Variants in PANK2 observed in about 807,000 individuals in gnomAD.
PANK2 encodes pantothenate kinase 2.
PANK2 carries 36 observed loss-of-function variants against 43.1 expected under a neutral mutation model. That is an observed-to-expected ratio of 0.84 (90% confidence interval 0.64 to 1.10). PANK2 has a LOEUF of 1.10. Ranked by LOEUF, PANK2 falls within the 50% of genes least tolerant of loss-of-function variation. The probability of loss-of-function intolerance (pLI) is 0.00; values close to 1 mark genes in which losing one functional copy is unlikely to be tolerated. For missense variants in PANK2, 576 were observed against 593.3 expected, an observed-to-expected ratio of 0.97 and a Z score of 0.30; for synonymous variants, 281 against 238.2, an observed-to-expected ratio of 1.18 and a Z score of -1.66.
At chr20:3,900,137 A>G (rs1432056715) in intron 1 of PANK2, among the ~76,000 whole-genome samples, 1 of 151,850 alleles carries the variant, frequency 6.6e-6, no homozygotes, top group Non-Finnish European at 1.5e-5. Context: ...GTGGAGTAGC[A>G]TTCTCCAGGC....
At chr20:3,905,987 A>G (rs2090380944) in intron 1 of PANK2, among the ~76,000 whole-genome samples, 1 of 151,768 alleles carries the variant, frequency 6.6e-6, no homozygotes, top group Admixed American at 6.6e-5. Flanking sequence ...AAGTGCTGGG[A>G]TTACAGGTGT....
chr20:3,889,084 G>T, upstream of PANK2: 1 of 1,524,786 alleles, frequency 6.6e-7, no homozygotes. Flanking sequence ...CAAGTGGGGG[G>T]CGGAAGGAGG....
At chr20:3,920,852 AAAAAC>A (rs1423141840) in intron 6 of PANK2, among the ~76,000 whole-genome samples, 8 of 152,334 alleles carry the variant, frequency 5.3e-5, no homozygotes, top group Non-Finnish European at 1.0e-4. Context: ...TCTCAAAACA[AAAAAC>A]AAAACACCAA....
intron 3 of PANK2, among the ~76,000 whole-genome samples, chr20:3,911,578 C>T (rs934916274): frequency 8.8e-5 from 10 of 113,926 alleles, no homozygotes; most frequent in East Asian, 6.0e-4. Flanking sequence ...AGTGAGACTC[C>T]GTCTCAAAAA....
rs566953264 is a variant in PANK2 at position 3,889,743 on chromosome 20, G to C, written c.298+15G>C. On this transcript the variant is annotated intron_variant, in intron 1 of 6. Transcript: ENST00000610179. The stretch of plus-strand genomic sequence containing the variant: ...AAAGCGGCCGCGTAAGTGTTCCGTG[G>C]GGCGCCCTCCCGGCCCGCCCTGCCC... 2.8e-4 allele frequency: 444 copies of C among 1,594,200 alleles called. 3 individuals carry two copies. Among genetic ancestry groups the C allele is most frequent in the Non-Finnish European group, 4.8e-5 (57 of 1,178,622 alleles).
chr20:3,922,093 T>G (rs2090656047), intron 6 of PANK2, among the ~76,000 whole-genome samples: 1 of 152,236 alleles, frequency 6.6e-6, no homozygotes, highest in Non-Finnish European at 1.5e-5. Flanking sequence ...TGAAGAAGCT[T>G]TTCGTGAAAG....
In PANK2 at chr20:3,919,804, AAC is replaced by A. The variant is rs2090620053; in HGVS notation, c.1332+1010_1332+1011del. Among the ~76,000 whole-genome samples, 4 of 152,196 alleles carry A rather than the reference AAC, an allele frequency of 2.6e-5. 1 individual carries two copies. The highest frequency in any genetic ancestry group is 2.6e-4 in the Admixed American group (4 of 15,286). On this transcript the variant is annotated intron_variant, in intron 6 of 6. Coordinates refer to ENST00000610179, the MANE Select transcript of PANK2 (RefSeq NM_001386393.1). ...CAGAATTGTATTGCATATTTAGTTT[AAC>A]AGTCTATATGAATTAAAGGAAATCA...
At chr20:3,898,822 T>G (rs2090252243) in intron 1 of PANK2, among the ~76,000 whole-genome samples, 1 of 151,998 alleles carries the variant, frequency 6.6e-6, no homozygotes, top group South Asian at 2.1e-4. Flanking sequence ...TTTAAAGGAA[T>G]GTTTGCATGG....
chr20:3,912,323 A>G (rs2090480355), intron 3 of PANK2, 135 bp from the exon 4 acceptor site: 1 of 945,478 alleles, frequency 1.1e-6, no homozygotes, highest in Non-Finnish European at 1.7e-6. Context: ...ATCTTTTCAC[A>G]GACTTGTTTC....
intron 1 of PANK2, among the ~76,000 whole-genome samples, chr20:3,907,464 T>C (rs1183378685): frequency 1.3e-5 from 2 of 152,178 alleles, no homozygotes; most frequent in Non-Finnish European, 2.9e-5. Context: ...ATATCAGATT[T>C]TGAAAGATAA....
At chr20:3,900,250 T>C (rs2090279891) in intron 1 of PANK2, among the ~76,000 whole-genome samples, 1 of 151,816 alleles carries the variant, frequency 6.6e-6, no homozygotes, top group Non-Finnish European at 1.5e-5. Flanking sequence ...ACTATATGAT[T>C]ATGAGTGAGT....
intron 6 of PANK2, among the ~76,000 whole-genome samples, chr20:3,922,460 G>A (rs991188630): frequency 3.9e-5 from 6 of 152,160 alleles, no homozygotes; most frequent in African/African-American, 1.2e-4. Context: ...GCCCTCCCTC[G>A]GGAGCCTCCG....
chr20:3,923,143 G>A, intron 6 of PANK2, 101 bp from the exon 7 acceptor site: 2 of 1,330,636 alleles, frequency 1.5e-6, no homozygotes, highest in Non-Finnish European at 2.2e-6. Flanking sequence ...TGGGTATGCT[G>A]TGTGTGGGCA....
chr20:3,911,504 A>G (rs2090467977), intron 3 of PANK2, among the ~76,000 whole-genome samples: 1 of 151,834 alleles, frequency 6.6e-6, no homozygotes. Context: ...GAATTGCTTG[A>G]ATTCAGAGGG....
intron 6 of PANK2, 149 bp from the exon 7 acceptor site, chr20:3,923,095 C>T (rs1600584852): frequency 1.1e-6 from 1 of 879,552 alleles, no homozygotes; most frequent in South Asian, 1.3e-5. Flanking sequence ...CGTCTCTGCT[C>T]CCAGGCTGGC....
At chr20:3,901,563 G>A in intron 1 of PANK2, 2 of 968,602 alleles carry the variant, frequency 2.1e-6, no homozygotes, top group Non-Finnish European at 2.5e-6. Flanking sequence ...ACTGCTGCTT[G>A]CTTTCATTTC....
chr20:3,892,559 C>T (rs1436273957), intron 1 of PANK2, among the ~76,000 whole-genome samples: 3 of 151,278 alleles, frequency 2.0e-5, no homozygotes, highest in African/African-American at 4.9e-5. Flanking sequence ...TGCCCGTAGT[C>T]GCAGCTACTC....
Position 3,918,787 on chromosome 20 carries a change from G to A in PANK2, c.1323G>A (p.Ser441=), listed in dbSNP as rs776868989. 1.4e-5 allele frequency: 23 copies of A among 1,614,000 alleles called. No homozygotes were observed. The highest frequency in any genetic ancestry group is 1.6e-4 in the Middle Eastern group (1 of 6,084). ...AGGGGCAGTTGAAAGCACTTTTTTC[G>A]GAACACGAGGTAAGCTGACTTGTTC... The change falls in exon 6 of 7, where the codon TCG becomes TCA. Residue 441 remains serine (S), a synonymous_variant. Coordinates refer to ENST00000610179, the MANE Select transcript of PANK2 (RefSeq NM_001386393.1).
At chr20:3,889,367 C>T (rs1371248211), upstream of PANK2, 1 of 1,577,468 alleles carries the variant, frequency 6.3e-7, no homozygotes. Context: ...GAAGAGGCGG[C>T]CGGCCGAGGG....
Sources: gnomAD v4.1 joint callset for allele counts (sites outside exome capture counted in the v4.1 genomes callset) on GRCh38, gnomAD v4.1.1 for gene constraint, MANE v1.5 for transcripts, NCBI Gene and HGNC (gene_info 2026-07-23, HGNC 2026-07-21) for gene names.